RERE: variants seen among roughly 807,000 people sequenced by gnomAD.
The protein encoded by RERE is arginine-glutamic acid dipeptide repeats protein.
RERE carries 40 observed loss-of-function variants against 146.1 expected under a neutral mutation model. That is an observed-to-expected ratio of 0.27 (90% CI 0.21 to 0.36). The LOEUF is 0.36. Ranked by LOEUF, RERE falls within the 10% of genes least tolerant of loss-of-function variation. RERE has a pLI of 1.00. For synonymous variants in RERE, 1,003 were observed against 866.0 expected, an observed-to-expected ratio of 1.16 and a Z score of -2.78; for missense variants, 1,933 against 2,138.7, an observed-to-expected ratio of 0.90 and a Z score of 1.90.
chr1:8,685,072 G>A (rs1639055341), intron 1 of RERE, among the ~76,000 whole-genome samples: 2 of 151,818 alleles, frequency 1.3e-5, no homozygotes, highest in Non-Finnish European at 2.9e-5. Context: ...TACTCAGGGT[G>A]GTCTCAAACT....
chr1:8,572,350 A>G (rs906133440), intron 4 of RERE, among the ~76,000 whole-genome samples: 1 of 152,180 alleles, frequency 6.6e-6, no homozygotes, highest in Non-Finnish European at 1.5e-5. Context: ...TCCTTCCTCC[A>G]TTTTAGCACA....
intron 1 of RERE, among the ~76,000 whole-genome samples, chr1:8,746,469 G>GA (rs896399414): frequency 1.3e-5 from 2 of 151,012 alleles, no homozygotes; most frequent in Non-Finnish European, 3.0e-5. Flanking sequence ...ACCAGAAGAA[G>GA]AAAAAAAATA....
At chr1:8,770,974 T>A (rs574537069) in intron 1 of RERE, among the ~76,000 whole-genome samples, 1 of 152,312 alleles carries the variant, frequency 6.6e-6, no homozygotes, top group East Asian at 1.9e-4. Context: ...TGTGTGCACC[T>A]ATTTGGGGAA....
intron 7 of RERE, among the ~76,000 whole-genome samples, chr1:8,535,628 T>C (rs749721894): frequency 6.6e-6 from 1 of 152,236 alleles, no homozygotes; most frequent in Non-Finnish European, 1.5e-5. Context: ...ATTATTAACA[T>C]TATTGCAGTT....
intron 10 of RERE, among the ~76,000 whole-genome samples, chr1:8,475,451 G>A (rs1357369909): frequency 2.0e-5 from 3 of 151,158 alleles, no homozygotes; most frequent in Non-Finnish European, 4.4e-5. Context: ...ACCAAGGTGG[G>A]CAGGTCACTT....
At chr1:8,621,893 A>G (rs1570525974) in intron 3 of RERE, among the ~76,000 whole-genome samples, 1 of 152,252 alleles carries the variant, frequency 6.6e-6, no homozygotes, top group Admixed American at 6.5e-5. Flanking sequence ...GAAGTAAGAA[A>G]ATAAGAAAGT....
chr1:8,683,905 G>A (rs1489217591), intron 1 of RERE, among the ~76,000 whole-genome samples: 1 of 152,118 alleles, frequency 6.6e-6, no homozygotes, highest in Non-Finnish European at 1.5e-5. Flanking sequence ...TGGCACCACT[G>A]CACTCCAGCC....
chr1:8,508,559 A>C, intron 8 of RERE, 68 bp downstream of exon 8: 1 of 1,179,870 alleles, frequency 8.5e-7, no homozygotes, highest in Non-Finnish European at 1.3e-6. Flanking sequence ...GCTGCGCAAC[A>C]GAATAAAGTG....
At chr1:8,472,635 A>C (rs1570296152) in intron 10 of RERE, among the ~76,000 whole-genome samples, 1 of 152,350 alleles carries the variant, frequency 6.6e-6, no homozygotes, top group South Asian at 2.1e-4. Context: ...TTTAATGTAG[A>C]GTATAGAGAA....
chr1:8,503,489 T>C (rs1194389459), intron 8 of RERE, among the ~76,000 whole-genome samples: 1 of 152,124 alleles, frequency 6.6e-6, no homozygotes, highest in African/African-American at 2.4e-5. Flanking sequence ...TGCCTATTAA[T>C]AGGGATCAGA....
At chr1:8,797,735 A>G (rs1275618216) in intron 1 of RERE, among the ~76,000 whole-genome samples, 1 of 152,210 alleles carries the variant, frequency 6.6e-6, no homozygotes, top group East Asian at 1.9e-4. Context: ...CCAGTACCAA[A>G]GCACTGAGAT....
At chr1:8,632,304 C>T (rs1647045187) in intron 2 of RERE, among the ~76,000 whole-genome samples, 1 of 152,206 alleles carries the variant, frequency 6.6e-6, no homozygotes. Context: ...GTGTCACATC[C>T]TGCAGCGCAG....
intron 2 of RERE, among the ~76,000 whole-genome samples, chr1:8,643,439 T>G (rs1011784873): frequency 6.6e-6 from 1 of 152,154 alleles, no homozygotes; most frequent in Non-Finnish European, 1.5e-5. Flanking sequence ...ACAATATATG[T>G]TACTGGGAAG....
chr1:8,413,115 G>A (rs562441438), intron 12 of RERE, among the ~76,000 whole-genome samples: 53 of 152,202 alleles, frequency 3.5e-4, no homozygotes, highest in African/African-American at 1.2e-3. Context: ...TTATACATGC[G>A]TGAACACACA....
intron 1 of RERE, among the ~76,000 whole-genome samples, chr1:8,658,123 G>A (rs1289215146): frequency 6.6e-6 from 1 of 151,998 alleles, no homozygotes; most frequent in South Asian, 2.1e-4. Context: ...AGTCAGTTTT[G>A]GAATAGACCT....
intron 4 of RERE, among the ~76,000 whole-genome samples, chr1:8,596,653 C>A (rs530906911): frequency 1.3e-5 from 2 of 149,246 alleles, no homozygotes; most frequent in East Asian, 4.0e-4. Context: ...GGACTATAGC[C>A]ACAAGCTACC....
At chr1:8,422,456 T>G (rs1643923586) in intron 12 of RERE, among the ~76,000 whole-genome samples, 1 of 152,218 alleles carries the variant, frequency 6.6e-6, no homozygotes. Context: ...CCCCCACAAC[T>G]AACCCTCTGT....
chr1:8,749,258 T>C (rs1640482078), intron 1 of RERE, among the ~76,000 whole-genome samples: 3 of 152,226 alleles, frequency 2.0e-5, no homozygotes. Context: ...GTGAAGGAGA[T>C]CATTGTGAGC....
intron 1 of RERE, among the ~76,000 whole-genome samples, chr1:8,778,211 A>AT (rs1491325895): frequency 6.6e-6 from 1 of 152,222 alleles, no homozygotes; most frequent in African/African-American, 2.4e-5. Flanking sequence ...ATGACCCCAC[A>AT]TAGACTGTTG....
Sources: allele counts gnomAD v4.1 joint callset (sites outside exome capture counted in the v4.1 genomes callset), GRCh38; gene constraint gnomAD v4.1.1; transcripts MANE v1.5; gene names NCBI Gene and HGNC (gene_info 2026-07-23, HGNC 2026-07-21).